The following RNF11 variants were observed in gnomAD, a reference collection of about 807,000 sequenced individuals.
RNF11 encodes ring finger protein 11.
RNF11 carries 4 observed loss-of-function variants against 15.8 expected under a neutral mutation model. That is an observed-to-expected ratio of 0.25 (90% CI 0.12 to 0.58). The LOEUF is 0.58. Ranked by LOEUF, RNF11 falls within the 20% of genes least tolerant of loss-of-function variation. The probability of loss-of-function intolerance (pLI) is 0.91; values close to 1 mark genes in which losing one functional copy is unlikely to be tolerated. For missense variants in RNF11, 139 were observed against 194.4 expected (o/e 0.71, Z 1.70); for synonymous variants, 68 against 72.3 (o/e 0.94, Z 0.30).
In RNF11 at chr1:51,271,391, C is replaced by T; in HGVS notation, c.*69C>T. The T allele has an allele frequency of 4.6e-6, 6 of 1,315,274 alleles. No individual in the cohort carries two copies. Among genetic ancestry groups the T allele is most frequent in the Non-Finnish European group, 6.3e-6 (6 of 951,310 alleles). 81.5% of individuals were successfully genotyped at this position (1,315,274 alleles called of 1,614,324 possible). Reference sequence around the variant, plus strand: ...GGTTTTGATCTTTTGTCACTGAGCCCAAAGAGCCAGGGATTAGGAATTAAG... The same window carrying T: ...GGTTTTGATCTTTTGTCACTGAGCCTAAAGAGCCAGGGATTAGGAATTAAG... On this transcript the variant is annotated 3_prime_UTR_variant, in exon 3 of 3. Transcript: ENST00000242719.
Position 51,272,022 on chromosome 1 carries a change from TA to T in RNF11, c.*706del, listed in dbSNP as rs1225306057. On this transcript the variant is annotated 3_prime_UTR_variant, in exon 3 of 3. Transcript: ENST00000242719. ...ACTGAGATGCACTATCCCTTTTCTATAAAAAATAAGTTAATGTGTCAAGAAA... is the reference window on the plus strand; with the variant it reads ...ACTGAGATGCACTATCCCTTTTCTATAAAAATAAGTTAATGTGTCAAGAAA... 6.6e-6 allele frequency: 1 copy of T among 152,628 alleles called. No individual in the cohort carries two copies. Among genetic ancestry groups the T allele is most frequent in the Non-Finnish European group, 1.5e-5 (1 of 68,030 alleles). 9.5% of individuals were successfully genotyped at this position (152,628 alleles called of 1,614,324 possible). A position where few individuals can be genotyped will look rare whatever the true frequency, so the allele number is the denominator to read the frequency against.
At position 51,269,522 on chromosome 1, in the gene RNF11, A is replaced by G. The variant is rs543828374; in HGVS notation, c.124-434A>G. On this transcript the variant is annotated intron_variant, in intron 1 of 2. Coordinates refer to ENST00000242719, the MANE Select transcript of RNF11 (RefSeq NM_014372.5). ...TTAGGAGCAGCAGAATTCTAATTTC[A>G]GTATTGTCAATTAGTGACTGTAGGC... Among the ~76,000 whole-genome samples, 38 of 152,370 alleles carry G rather than the reference A, an allele frequency of 2.5e-4. 1 individual carries two copies. Among genetic ancestry groups the G allele is most frequent in the African/African-American group, 8.4e-4 (35 of 41,598 alleles).
Position 51,244,477 on chromosome 1 carries a change from C to T in RNF11, c.123+7598C>T, listed in dbSNP as rs548267018. On this transcript the variant is annotated intron_variant, in intron 1 of 2. Transcript: ENST00000242719. The stretch of plus-strand genomic sequence containing the variant: ...TCAGCTCACTGCAAGCTCCGCCTCC[C>T]GGGTTCACGCCATTCTCCTGCCTCA... 6.6e-5 allele frequency among the ~76,000 whole-genome samples: 10 copies of T among 152,294 alleles called. No homozygotes were observed. The South Asian group carries it at 1.7e-3, about 25-fold the overall frequency.
chr1:51,248,374 T>A (rs2148067231), intron 1 of RNF11, among the ~76,000 whole-genome samples: 1 of 151,982 alleles, frequency 6.6e-6, no homozygotes, highest in South Asian at 2.1e-4. Flanking sequence ...GCCTGGCTAA[T>A]TTTGTATTTT....
chr1:51,238,759 G>A (rs926450650), intron 1 of RNF11, among the ~76,000 whole-genome samples: 1 of 151,182 alleles, frequency 6.6e-6, no homozygotes, highest in Non-Finnish European at 1.5e-5. Flanking sequence ...ATGGAGTCTC[G>A]CTCTGTCACC....
chr1:51,262,610 C>CA (rs1354765753), intron 1 of RNF11, among the ~76,000 whole-genome samples: 3 of 151,108 alleles, frequency 2.0e-5, no homozygotes, highest in African/African-American at 7.3e-5. Context: ...TGCAGCAGCA[C>CA]AATCTTGGCT....
At chr1:51,243,507 C>T (rs1007730143) in intron 1 of RNF11, among the ~76,000 whole-genome samples, 1 of 152,272 alleles carries the variant, frequency 6.6e-6, no homozygotes, top group Admixed American at 6.5e-5. Context: ...GGTGCCACCT[C>T]AGCTCACTGC....
At chr1:51,236,976 C>A in intron 1 of RNF11, 97 bp downstream of exon 1, 1 of 1,462,354 alleles carries the variant, frequency 6.8e-7, no homozygotes, top group Non-Finnish European at 9.1e-7. Flanking sequence ...TTCGGCAAGG[C>A]CTGGCCTGGG....
chr1:51,252,646 G>A (rs557055332), intron 1 of RNF11, among the ~76,000 whole-genome samples: 3 of 152,116 alleles, frequency 2.0e-5, no homozygotes, highest in African/African-American at 7.2e-5. Context: ...GAAGGTTTGC[G>A]ACTGCACTGG....
intron 1 of RNF11, among the ~76,000 whole-genome samples, chr1:51,240,499 G>A (rs1269156110): frequency 6.6e-6 from 1 of 151,924 alleles, no homozygotes; most frequent in Non-Finnish European, 1.5e-5. Context: ...AGAAAGTTGC[G>A]TTGTCTATTA....
At chr1:51,242,915 T>G (rs2148065162) in intron 1 of RNF11, among the ~76,000 whole-genome samples, 1 of 152,370 alleles carries the variant, frequency 6.6e-6, no homozygotes, top group South Asian at 2.1e-4. Flanking sequence ...TATACAATTA[T>G]TCAGCTTTTA....
intron 1 of RNF11, among the ~76,000 whole-genome samples, chr1:51,264,275 AAAAAAAAAAAAAATAT>A: frequency 1.1e-5 from 1 of 92,658 alleles, no homozygotes; most frequent in Non-Finnish European, 2.0e-5. Flanking sequence ...AAAAAAAAAA[AAAAAAAAAAAAAATAT>A]ATATATATAT....
chr1:51,271,473 A>T lies in RNF11; in HGVS notation c.*151A>T, dbSNP rs768966978. On this transcript the variant is annotated 3_prime_UTR_variant, in exon 3 of 3. Transcript: ENST00000242719. ...GATGGCTGCAGATGTTGGGGGAAAA[A>T]GTACGTGATATTTTAGAAACTTAGT... 363 of 581,588 alleles carry T rather than the reference A, an allele frequency of 6.2e-4. 1 individual carries two copies. Among genetic ancestry groups the T allele is most frequent in the Non-Finnish European group, 7.5e-4 (254 of 338,780 alleles). The allele number at this position is 581,588 out of a possible 1,614,324, so 36.0% of individuals were successfully genotyped here. A position where few individuals can be genotyped will look rare whatever the true frequency, so the allele number is the denominator to read the frequency against.
chr1:51,259,036 A>T (rs992004862), intron 1 of RNF11, among the ~76,000 whole-genome samples: 2 of 152,240 alleles, frequency 1.3e-5, no homozygotes, highest in Admixed American at 6.5e-5. Context: ...TTGTAACACC[A>T]GAAACTATCC....
chr1:51,239,553 T>TC (rs1646819584), intron 1 of RNF11, among the ~76,000 whole-genome samples: 1 of 152,086 alleles, frequency 6.6e-6, no homozygotes. Flanking sequence ...GAAACAGCAA[T>TC]CCAAGGTTAT....
intron 1 of RNF11, among the ~76,000 whole-genome samples, chr1:51,248,270 C>T (rs981634012): frequency 1.3e-5 from 2 of 150,698 alleles, no homozygotes; most frequent in Non-Finnish European, 3.0e-5. Flanking sequence ...TGCAGTGGCA[C>T]GATCTTGGCT....
At chr1:51,247,604 A>T (rs1462171147) in intron 1 of RNF11, among the ~76,000 whole-genome samples, 9 of 152,162 alleles carry the variant, frequency 5.9e-5, no homozygotes, top group Admixed American at 5.9e-4. Context: ...GTTGAAAAGT[A>T]AAGTGATAAG....
At chr1:51,270,199 G>A in intron 2 of RNF11, 74 bp downstream of exon 2, 1 of 1,113,716 alleles carries the variant, frequency 9.0e-7, no homozygotes, top group Non-Finnish European at 1.3e-6. Flanking sequence ...CTTTTCTCCT[G>A]CACTTTAGAA....
At chr1:51,237,006 C>A in intron 1 of RNF11, 127 bp downstream of exon 1, 1 of 1,269,268 alleles carries the variant, frequency 7.9e-7, no homozygotes, top group Non-Finnish European at 1.1e-6. Context: ...CCCCTTAGGG[C>A]TGGATCTGAG....
Sources: gnomAD v4.1 joint callset for allele counts (sites outside exome capture counted in the v4.1 genomes callset) on GRCh38, gnomAD v4.1.1 for gene constraint, MANE v1.5 for transcripts, NCBI Gene and HGNC (gene_info 2026-07-23, HGNC 2026-07-21) for gene names.